The following ELFN2 variants were observed in gnomAD, a reference collection of about 807,000 sequenced individuals.
ELFN2 encodes protein phosphatase 1 regulatory subunit 29.
In ELFN2, 17 loss-of-function variants were observed where a neutral mutation model predicts 45.5. That is an observed-to-expected ratio of 0.37 (90% confidence interval 0.26 to 0.56). ELFN2 has a LOEUF of 0.56. ELFN2 is among the 20% of genes least tolerant of loss of function. The pLI is 0.77. For synonymous variants in ELFN2, 550 were observed against 551.5 expected, an observed-to-expected ratio of 1.00 and a Z score of 0.04; for missense variants, 922 against 1,183.2, an observed-to-expected ratio of 0.78 and a Z score of 3.24.
At chr22:37,381,235 C>G (rs2145644926) in intron 2 of ELFN2, among the ~76,000 whole-genome samples, 1 of 152,292 alleles carries the variant, frequency 6.6e-6, no homozygotes, top group African/African-American at 2.4e-5. Flanking sequence ...GACAGAGGCT[C>G]TCTCCTCCCC....
rs142328453 is a variant in ELFN2, at chr22:37,379,212, G to C, written c.-462-3216C>G. On this transcript the variant is annotated intron_variant, in intron 2 of 2. Transcript: ENST00000402918. The stretch of plus-strand genomic sequence containing the variant: ...GTGAGCTATCTAGATGATAGATGGG[G>C]GGCGCAGGGGACACGGGCACCTGCT... 3.3e-5 allele frequency among the ~76,000 whole-genome samples: 5 copies of C among 152,314 alleles called. No individual in the cohort carries two copies. The South Asian group carries it at 1.0e-3, about 32-fold the overall frequency.
chr22:37,405,061 C>G (rs920402097), intron 2 of ELFN2, among the ~76,000 whole-genome samples: 1 of 148,436 alleles, frequency 6.7e-6, no homozygotes, highest in Non-Finnish European at 1.5e-5. Context: ...GGAACCAGGG[C>G]AAGGCCCCTC....
At chr22:37,366,049 A>T (rs1038666388), downstream of ELFN2, among the ~76,000 whole-genome samples, 1 of 152,222 alleles carries the variant, frequency 6.6e-6, no homozygotes, top group Non-Finnish European at 1.5e-5. Context: ...ACCGGTGAAA[A>T]TGTGTGGGCT....
intron 2 of ELFN2, among the ~76,000 whole-genome samples, chr22:37,394,177 C>A (rs1000593297): frequency 6.6e-6 from 1 of 152,188 alleles, no homozygotes; most frequent in East Asian, 1.9e-4. Flanking sequence ...TGACTCCACC[C>A]TCTCCCTCGT....
chr22:37,416,047 G>A (rs1337933309), intron 2 of ELFN2, among the ~76,000 whole-genome samples: 2 of 152,218 alleles, frequency 1.3e-5, no homozygotes, highest in Non-Finnish European at 2.9e-5. Flanking sequence ...TCACATCCAT[G>A]AGCCCAAATA....
rs1384791412 is a variant in ELFN2, at chr22:37,374,450, G to T, written c.1085C>A (p.Thr362Asn). Residue 362 changes from threonine to asparagine, a missense_variant, in exon 3 of 3, where the codon ACC (threonine) becomes AAC (asparagine). Around this residue, in one of 2 missense-constraint regions of ELFN2, gnomAD observed 358 missense variants for 540.4 expected, o/e 0.66. Coordinates refer to ENST00000402918, the MANE Select transcript of ELFN2 (RefSeq NM_052906.5). ...RAHTEYTFCV[T>N]SLRNSRRFNH... ...GAAGCGGCGGCTGTTGCGCAGCGAG[G>T]TCACGCAGAAGGTGTACTCAGTGTG... is the stretch of plus-strand genomic sequence containing the variant. 1 of 1,614,150 alleles carries T rather than the reference G, an allele frequency of 6.2e-7. No individual in the cohort carries two copies. Among genetic ancestry groups the T allele is most frequent in the East Asian group, 2.2e-5 (1 of 44,890 alleles).
Position 37,374,115 on chromosome 22 carries a change from G to T in ELFN2, c.1420C>A (p.Pro474Thr). ...VLPVSRMASI[P>T]SMIGEKLPTA... ...GGCAGCTTCTCCCCGATCATGGAGG[G>T]GATGGAGGCCATGCGAGATACGGGC... The change falls in exon 3 of 3, where the codon CCC becomes ACC. Residue 474 changes from proline (P) to threonine (T), a missense_variant. By Grantham distance (38) the Pro-to-Thr change is conservative (BLOSUM62 -1). Coordinates refer to ENST00000402918, the MANE Select transcript of ELFN2 (RefSeq NM_052906.5). 1 of 1,613,132 alleles carries T rather than the reference G, an allele frequency of 6.2e-7. No individual in the cohort carries two copies. Among genetic ancestry groups the T allele is most frequent in the Non-Finnish European group, 8.5e-7 (1 of 1,180,020 alleles).
intron 1 of ELFN2, among the ~76,000 whole-genome samples, chr22:37,362,210 C>T (rs1182972866): frequency 6.6e-6 from 1 of 152,200 alleles, no homozygotes; most frequent in Non-Finnish European, 1.5e-5. Context: ...AGGAGAGGGT[C>T]AGAGCAGACC....
At chr22:37,401,883 C>T (rs5995426) in intron 2 of ELFN2, among the ~76,000 whole-genome samples, 5,212 of 152,324 alleles carry the variant, frequency 0.034, 296 homozygotes, top group African/African-American at 0.12. Flanking sequence ...GCCTCCTTGG[C>T]GACAAGGGAA....
At chr22:37,393,631 C>T (rs1157844712) in intron 2 of ELFN2, among the ~76,000 whole-genome samples, 2 of 152,224 alleles carry the variant, frequency 1.3e-5, no homozygotes, top group African/African-American at 4.8e-5. Flanking sequence ...TCAGATCAAC[C>T]TCCACTTAAC....
rs1931389653 is a variant in ELFN2 at position 37,372,309 on chromosome 22, C to T, written c.*763G>A. 6.6e-6 allele frequency: 1 copy of T among 152,458 alleles called. No homozygotes were observed. The highest frequency in any genetic ancestry group is 1.5e-5 in the Non-Finnish European group (1 of 68,074). The allele number at this position is 152,458 out of a possible 1,614,324, so 9.4% of individuals were successfully genotyped here. On this transcript the variant is annotated 3_prime_UTR_variant, in exon 3 of 3. Coordinates refer to ENST00000402918, the MANE Select transcript of ELFN2 (RefSeq NM_052906.5). The surrounding 1 kb of genome is among the most constrained non-coding windows in gnomAD (Gnocchi z 4.4). The stretch of plus-strand genomic sequence containing the variant: ...CCCCCAGGATTCTGAATCACAGCTG[C>T]ACACTCTGGGGGCACTGCCATGTGG...
intron 2 of ELFN2, among the ~76,000 whole-genome samples, chr22:37,398,224 G>T (rs890799355): frequency 6.6e-6 from 1 of 152,080 alleles, no homozygotes; most frequent in Admixed American, 6.5e-5. Flanking sequence ...ACCGTGCCGG[G>T]CACATGGAGG....
intron 1 of ELFN2, among the ~76,000 whole-genome samples, chr22:37,426,624 C>T (rs1932852752): frequency 7.2e-6 from 1 of 138,890 alleles, no homozygotes; most frequent in African/African-American, 2.6e-5. Flanking sequence ...CACACACACA[C>T]TGGCACGCGC....
chr22:37,382,303 T>A (rs1279019046), intron 2 of ELFN2, among the ~76,000 whole-genome samples: 1 of 152,130 alleles, frequency 6.6e-6, no homozygotes, highest in Non-Finnish European at 1.5e-5. Context: ...CCTTTTTTTT[T>A]TCCTTTTCTT....
intron 2 of ELFN2, among the ~76,000 whole-genome samples, chr22:37,409,361 C>G (rs536640690): frequency 6.6e-6 from 1 of 152,298 alleles, no homozygotes; most frequent in African/African-American, 2.4e-5. Context: ...AGGTGGAGAA[C>G]AGCAGGGAAC....
Position 37,374,452 on chromosome 22 carries a change from C to T in ELFN2, c.1083G>A (p.Val361=). Residue 361 remains valine, a synonymous_variant, in exon 3 of 3, where the codon GTG becomes GTA. Coordinates refer to ENST00000402918, the MANE Select transcript of ELFN2 (RefSeq NM_052906.5). ...AGCGGCGGCTGTTGCGCAGCGAGGT[C>T]ACGCAGAAGGTGTACTCAGTGTGCG... The part of the protein sequence containing the change: ...LRAHTEYTFC[V]TSLRNSRRFN... 6.2e-7 allele frequency: 1 copy of T among 1,614,100 alleles called. No homozygotes were observed. The highest frequency in any genetic ancestry group is 8.5e-7 in the Non-Finnish European group (1 of 1,179,976).
chr22:37,382,447 G>A (rs1377970408), intron 2 of ELFN2, among the ~76,000 whole-genome samples: 3 of 151,640 alleles, frequency 2.0e-5, no homozygotes, highest in Non-Finnish European at 2.9e-5. Flanking sequence ...GTTTCACCAC[G>A]TTGGCCAGGA....
intron 2 of ELFN2, among the ~76,000 whole-genome samples, chr22:37,416,998 T>C (rs1275598888): frequency 6.6e-6 from 1 of 151,614 alleles, no homozygotes; most frequent in Non-Finnish European, 1.5e-5. Flanking sequence ...TCCTCCTCTC[T>C]CCACGGAGAC....
intron 1 of ELFN2, among the ~76,000 whole-genome samples, chr22:37,361,658 T>G (rs1470677508): frequency 6.6e-6 from 1 of 151,870 alleles, no homozygotes; most frequent in East Asian, 1.9e-4. Flanking sequence ...CCCAGGCCTA[T>G]CCCTAGTATT....
Sources: gnomAD v4.1 joint callset for allele counts (sites outside exome capture counted in the v4.1 genomes callset) on GRCh38, gnomAD v4.1.1 for gene constraint, gnomAD v4.1.1 regional missense constraint, Gnocchi (gnomAD v3.1) non-coding constraint, MANE v1.5 for transcripts, NCBI Gene and HGNC (gene_info 2026-07-23, HGNC 2026-07-21) for gene names.